The following DOP1B variants were observed in gnomAD, a reference collection of about 807,000 sequenced individuals.
DOP1B encodes DOP1 leucine zipper like protein B, also known as protein DOP1B.
A neutral mutation model predicts 233.5 loss-of-function variants in DOP1B; 174 were observed. The observed-to-expected ratio is 0.75, with a 90% confidence interval of 0.66 to 0.85. The LOEUF (loss-of-function observed/expected upper bound fraction) is 0.85. Among genes scored for constraint, DOP1B ranks in the 40% least tolerant of loss-of-function variants. DOP1B has a pLI of 0.00. For missense variants in DOP1B, 2,652 were observed against 2,846.6 expected, an observed-to-expected ratio of 0.93 and a Z score of 1.56; for synonymous variants, 1,190 against 1,185.6, an observed-to-expected ratio of 1.00 and a Z score of -0.08.
At chr21:36,244,469 G>T (rs2066931038) in intron 18 of DOP1B, among the ~76,000 whole-genome samples, 1 of 152,070 alleles carries the variant, frequency 6.6e-6, no homozygotes, top group Non-Finnish European at 1.5e-5. Flanking sequence ...TTGTTGCCCA[G>T]GCTGGAGTTC....
At chr21:36,255,466 A>G (rs61605594) in intron 23 of DOP1B, among the ~76,000 whole-genome samples, 1,518 of 150,390 alleles carry the variant, frequency 0.01, 22 homozygotes, top group African/African-American at 0.035. Flanking sequence ...TTTTTTTTTA[A>G]GACAGGATCT....
At position 36,251,157 on chromosome 21, in the gene DOP1B, T is replaced by C; in HGVS notation, c.4999-5T>C. 1 of 1,605,416 alleles carries C rather than the reference T, an allele frequency of 6.2e-7. No individual in the cohort carries two copies. The highest frequency in any genetic ancestry group is 8.5e-7 in the Non-Finnish European group (1 of 1,178,034). On this transcript the variant is annotated splice_polypyrimidine_tract_variant and splice_region_variant and intron_variant, in intron 21 of 36. Coordinates refer to ENST00000691173, the MANE Select transcript of DOP1B (RefSeq NM_001320714.2). ...TGCAGTAACTTTTTTTTCCCTATTT[T>C]CTAGACCATAAGACAAAAAATTTTA... is the stretch of plus-strand genomic sequence containing the variant.
At chr21:36,182,446 G>A (rs1334314613) in intron 2 of DOP1B, among the ~76,000 whole-genome samples, 4 of 152,182 alleles carry the variant, frequency 2.6e-5, no homozygotes, top group African/African-American at 9.7e-5. Flanking sequence ...AGATATGGCG[G>A]GAAGGCTGCA....
chr21:36,189,040 T>C (rs570293627), intron 2 of DOP1B, among the ~76,000 whole-genome samples: 4 of 152,196 alleles, frequency 2.6e-5, no homozygotes, highest in Admixed American at 2.6e-4. Context: ...TGTGTCCATG[T>C]GTAGCCTTTT....
chr21:36,165,951 A>G (rs1278265827), intron 2 of DOP1B, among the ~76,000 whole-genome samples: 1 of 151,232 alleles, frequency 6.6e-6, no homozygotes, highest in East Asian at 2.0e-4. Context: ...TCCTGACCTC[A>G]AGTGATCCAC....
rs759245690 is a variant in DOP1B, at chr21:36,293,307, G to GT, written c.6646-7dup. The stretch of plus-strand genomic sequence containing the variant: ...AAAACCATATCATTGTTATGGGTTT[G>GT]TTTTTTCTGCAGGAAATCAGTAGCT... On this transcript the variant is annotated splice_polypyrimidine_tract_variant and intron_variant, in intron 36 of 36. Transcript: ENST00000691173. 1.2e-6 allele frequency: 2 copies of GT among 1,611,184 alleles called. No individual in the cohort carries two copies. The highest frequency in any genetic ancestry group is 1.1e-5 in the South Asian group (1 of 90,886).
At chr21:36,238,121 C>T (rs923536974) in intron 16 of DOP1B, among the ~76,000 whole-genome samples, 1 of 152,168 alleles carries the variant, frequency 6.6e-6, no homozygotes, top group African/African-American at 2.4e-5. Flanking sequence ...GAGCCGAGAT[C>T]GCGCCACTGC....
intron 24 of DOP1B, among the ~76,000 whole-genome samples, chr21:36,262,821 G>T (rs1404107326): frequency 6.6e-6 from 1 of 152,018 alleles, no homozygotes; most frequent in African/African-American, 2.4e-5. Context: ...AACCCGGGGG[G>T]CAGAGGTTGC....
At chr21:36,198,806 C>T (rs1312588123) in intron 2 of DOP1B, among the ~76,000 whole-genome samples, 4 of 152,244 alleles carry the variant, frequency 2.6e-5, no homozygotes, top group East Asian at 3.9e-4. Flanking sequence ...GAGAAGCACA[C>T]GGCCCTCACC....
At position 36,230,658 on chromosome 21, in the gene DOP1B, G is replaced by A; in HGVS notation, c.1874G>A (p.Arg625Lys). 6.2e-7 allele frequency: 1 copy of A among 1,614,214 alleles called. No homozygotes were observed. Among genetic ancestry groups the A allele is most frequent in the Non-Finnish European group, 8.5e-7 (1 of 1,180,044 alleles). The change falls in exon 14 of 37, where the codon AGG becomes AAG. Residue 625 changes from arginine to lysine, a missense_variant. Physicochemically the swap from Arg to Lys is conservative, Grantham distance 26 (BLOSUM62 2). Transcript: ENST00000691173. ...TGGAAGAAGGGCGGGAGCATGCAGAGGACGTTTCTTTGCATCCAAGAGCTA... is the reference window on the plus strand; with the variant it reads ...TGGAAGAAGGGCGGGAGCATGCAGAAGACGTTTCTTTGCATCCAAGAGCTA... Reference protein sequence around the residue: ...DVWKKGGSMQRTFLCIQELIA... With the variant: ...DVWKKGGSMQKTFLCIQELIA...
rs377029944 is a variant in DOP1B at position 36,199,047 on chromosome 21, G to GT, written c.139-15dup. On this transcript the variant is annotated intron_variant, in intron 2 of 36. Coordinates refer to ENST00000691173, the MANE Select transcript of DOP1B (RefSeq NM_001320714.2). ...AATATCGCTGCCTTCTTCCTCATGT[G>GT]TTTTTTTTGTCTTGTTTGACAGGCT... The GT allele has an allele frequency of 1.3e-4, 202 of 1,598,278 alleles. 3 individuals are homozygous for GT. The African/African-American group carries it at 1.9e-3, about 15-fold the overall frequency.
chr21:36,288,671 AT>A (rs2067517063), intron 33 of DOP1B, 84 bp from the exon 34 acceptor site: 2 of 1,014,482 alleles, frequency 2.0e-6, no homozygotes, highest in Non-Finnish European at 3.0e-6. Flanking sequence ...TCATAAATTA[AT>A]CGATTTTTAA....
chr21:36,193,296 G>A (rs552108851), intron 2 of DOP1B, among the ~76,000 whole-genome samples: 1 of 152,306 alleles, frequency 6.6e-6, no homozygotes, highest in African/African-American at 2.4e-5. Context: ...GTGTCTCTGT[G>A]CTTGGGTTTG....
chr21:36,267,489 G>T (rs2067242671), intron 26 of DOP1B, among the ~76,000 whole-genome samples: 1 of 152,164 alleles, frequency 6.6e-6, no homozygotes, highest in Admixed American at 6.6e-5. Context: ...CTAGTCTGCA[G>T]CCTGGGCAAC....
chr21:36,191,777 T>C (rs1378553719), intron 2 of DOP1B, among the ~76,000 whole-genome samples: 1 of 143,838 alleles, frequency 7.0e-6, no homozygotes, highest in Non-Finnish European at 1.5e-5. Flanking sequence ...AGAGTAAGAC[T>C]CTGTCTCAAA....
chr21:36,288,714 T>C, intron 33 of DOP1B, 42 bp from the exon 34 acceptor site: 1 of 1,437,782 alleles, frequency 7.0e-7, no homozygotes, highest in South Asian at 1.2e-5. Context: ...TGGGTAGATT[T>C]AATCTGTCTC....
intron 2 of DOP1B, among the ~76,000 whole-genome samples, chr21:36,178,194 A>T (rs1009900354): frequency 2.0e-5 from 3 of 152,326 alleles, no homozygotes; most frequent in East Asian, 1.9e-4. Context: ...CTGTGGCCTT[A>T]TAAGAATAGG....
chr21:36,232,005 C>G (rs1307126852), intron 14 of DOP1B, among the ~76,000 whole-genome samples: 1 of 152,142 alleles, frequency 6.6e-6, no homozygotes, highest in African/African-American at 2.4e-5. Context: ...GCCACCACAC[C>G]CAGCTAATTT....
chr21:36,220,188 G>T (rs965625355), intron 10 of DOP1B, among the ~76,000 whole-genome samples: 2 of 152,134 alleles, frequency 1.3e-5, no homozygotes, highest in African/African-American at 4.8e-5. Flanking sequence ...TTAAATCAAT[G>T]TTAATATTTT....
Sources: allele counts gnomAD v4.1 joint callset (sites outside exome capture counted in the v4.1 genomes callset), GRCh38; gene constraint gnomAD v4.1.1; transcripts MANE v1.5; gene names NCBI Gene and HGNC (gene_info 2026-07-23, HGNC 2026-07-21).